Variants in NBAS observed in about 807,000 individuals in gnomAD.
NBAS encodes NAG/BC035112 fusion.
Under a neutral mutation model 302.5 loss-of-function variants are expected in NBAS, and 219 were observed. That is an observed-to-expected ratio of 0.72 (90% CI 0.65 to 0.81). The LOEUF is 0.81. NBAS is among the 30% of genes least tolerant of loss of function. NBAS has a pLI of 0.00. For missense variants in NBAS, 2,932 were observed against 2,841.6 expected (o/e 1.03, Z -0.72); for synonymous variants, 1,118 against 1,021.6 (o/e 1.09, Z -1.80).
At chr2:15,319,572 C>T (rs1475685106) in intron 38 of NBAS, among the ~76,000 whole-genome samples, 2 of 151,986 alleles carry the variant, frequency 1.3e-5, no homozygotes, top group African/African-American at 4.8e-5. Context: ...GATATCACCA[C>T]CGATCCCACA....
chr2:15,164,088 T>C (rs1488781387), downstream of NBAS, among the ~76,000 whole-genome samples: 1 of 152,216 alleles, frequency 6.6e-6, no homozygotes, highest in African/African-American at 2.4e-5. Context: ...TGAGCCTCTA[T>C]GCCCGGCCCG....
chr2:15,304,146 G>C (rs1670928731), intron 40 of NBAS, among the ~76,000 whole-genome samples: 2 of 152,206 alleles, frequency 1.3e-5, no homozygotes, highest in African/African-American at 4.8e-5. Flanking sequence ...TCAAGGGAAA[G>C]ACCAGATGAA....
chr2:14,941,016 C>T, the NBAS span, among the ~76,000 whole-genome samples: 1 of 152,228 alleles, frequency 6.6e-6, no homozygotes, highest in African/African-American at 2.4e-5. Flanking sequence ...TCTAAAACCA[C>T]TTGATAACTC....
At chr2:15,359,017 C>T (rs1197648774) in intron 32 of NBAS, among the ~76,000 whole-genome samples, 1 of 152,162 alleles carries the variant, frequency 6.6e-6, no homozygotes, top group African/African-American at 2.4e-5. Flanking sequence ...TAAAATAAAA[C>T]TGCAATTAAA....
intron 9 of NBAS, among the ~76,000 whole-genome samples, chr2:15,515,357 T>C (rs1662339317): frequency 6.6e-6 from 1 of 152,164 alleles, no homozygotes; most frequent in African/African-American, 2.4e-5. Flanking sequence ...CAGTTATACA[T>C]GCCAAGGGGC....
intron 11 of NBAS, among the ~76,000 whole-genome samples, chr2:15,490,569 A>G (rs1289808286): frequency 3.9e-5 from 6 of 152,188 alleles, no homozygotes; most frequent in Non-Finnish European, 5.9e-5. Flanking sequence ...AATAAGCTCC[A>G]TGGTTTTGTA....
the NBAS span, among the ~76,000 whole-genome samples, chr2:15,035,024 ATTCT>A: frequency 2.0e-5 from 3 of 151,982 alleles, no homozygotes; most frequent in East Asian, 5.8e-4. Context: ...GACTTCATTC[ATTCT>A]CTTTTTTAAA....
chr2:14,805,912 T>C, the NBAS span, among the ~76,000 whole-genome samples: 2 of 152,144 alleles, frequency 1.3e-5, no homozygotes, highest in Non-Finnish European at 2.9e-5. Flanking sequence ...ATCTCCAGTA[T>C]AATGCCCTTC....
chr2:15,160,588 GGGGA>G, the NBAS span, among the ~76,000 whole-genome samples: 1 of 129,188 alleles, frequency 7.7e-6, no homozygotes, highest in African/African-American at 3.0e-5. Flanking sequence ...GTGTGGGCGG[GGGGA>G]GGGGGGGGGG....
At chr2:14,804,803 T>C in the NBAS span, among the ~76,000 whole-genome samples, 4 of 152,190 alleles carry the variant, frequency 2.6e-5, no homozygotes, top group African/African-American at 9.7e-5. Context: ...ATAAGACACG[T>C]AGATGTAATT....
At chr2:14,985,760 T>C in the NBAS span, among the ~76,000 whole-genome samples, 6,996 of 152,282 alleles carry the variant, frequency 0.046, 398 homozygotes, top group African/African-American at 0.11. Flanking sequence ...ATACATGGCT[T>C]CCACTTTGAA....
chr2:15,327,216 G>A (rs964598472), intron 38 of NBAS, among the ~76,000 whole-genome samples: 4 of 152,106 alleles, frequency 2.6e-5, no homozygotes, highest in Non-Finnish European at 5.9e-5. Flanking sequence ...AAGGATGGCA[G>A]AGCAGAGAGA....
At chr2:14,938,121 A>G in the NBAS span, among the ~76,000 whole-genome samples, 189 of 152,186 alleles carry the variant, frequency 1.2e-3, no homozygotes, top group African/African-American at 4.4e-3. Context: ...GCGAGACTCC[A>G]TCTCAAAAAA....
At chr2:14,788,885 C>T in the NBAS span, among the ~76,000 whole-genome samples, 2 of 152,248 alleles carry the variant, frequency 1.3e-5, no homozygotes, top group African/African-American at 4.8e-5. Flanking sequence ...ACATTTAAGT[C>T]TGCAGAGGTT....
intron 26 of NBAS, chr2:15,397,584 G>A: frequency 8.1e-6 from 5 of 620,294 alleles, no homozygotes; most frequent in Non-Finnish European, 3.0e-6. Flanking sequence ...TTCACATACA[G>A]CTTGGGAAGC....
chr2:15,093,138 G>C, the NBAS span, among the ~76,000 whole-genome samples: 1 of 152,162 alleles, frequency 6.6e-6, no homozygotes, highest in Admixed American at 6.5e-5. Flanking sequence ...TTATTGGGCC[G>C]AGTGCAGTGG....
At position 15,257,569 on chromosome 2, in the gene NBAS, T is replaced by G. The variant is rs551576336; in HGVS notation, c.5724+17915A>C. Among the ~76,000 whole-genome samples, 5 of 152,122 alleles carry G rather than the reference T, an allele frequency of 3.3e-5. No individual in the cohort carries two copies. In the South Asian group the frequency reaches 6.3e-4, roughly 19 times the overall value. ...CACCACACCCAGCTAATTTTTGTAT[T>G]TTTAGTTGAGACGGAGTTTCACCAT... On this transcript the variant is annotated intron_variant, in intron 44 of 51. Transcript: ENST00000281513.
At chr2:14,951,135 T>A in the NBAS span, among the ~76,000 whole-genome samples, 1 of 152,320 alleles carries the variant, frequency 6.6e-6, no homozygotes, top group South Asian at 2.1e-4. Context: ...TTTGCCTCCA[T>A]CAGCGAATGT....
chr2:14,825,845 GCATT>G, the NBAS span, among the ~76,000 whole-genome samples: 1 of 152,142 alleles, frequency 6.6e-6, no homozygotes, highest in African/African-American at 2.4e-5. Flanking sequence ...GTGTCAGTAG[GCATT>G]TGCCAGGTAG....
Sources: gnomAD v4.1 joint callset for allele counts (sites outside exome capture counted in the v4.1 genomes callset) on GRCh38, gnomAD v4.1.1 for gene constraint, MANE v1.5 for transcripts, NCBI Gene and HGNC (gene_info 2026-07-23, HGNC 2026-07-21) for gene names.